Variants in SENP1 observed in about 807,000 individuals in gnomAD.
SENP1 encodes the protein SUMO specific peptidase 1, also known as sentrin-specific protease 1.
SENP1 carries 21 observed loss-of-function variants against 93.0 expected under a neutral mutation model. That is an observed-to-expected ratio of 0.23 (90% confidence interval 0.16 to 0.33). The LOEUF is 0.33. SENP1 is among the 10% of genes least tolerant of loss of function. The pLI is 1.00. For missense variants in SENP1, 591 were observed against 758.7 expected (o/e 0.78, Z 2.60); for synonymous variants, 256 against 259.6 (o/e 0.99, Z 0.13).
chr12:48,059,965 G>A (rs1229321891), intron 13 of SENP1, among the ~76,000 whole-genome samples: 1 of 152,080 alleles, frequency 6.6e-6, no homozygotes, highest in Non-Finnish European at 1.5e-5. Flanking sequence ...TCTTTCTGGT[G>A]GTTCTTTCCC....
chr12:48,063,887 G>A (rs1445051036), intron 12 of SENP1, 46 bp from the exon 13 acceptor site: 3 of 1,560,294 alleles, frequency 1.9e-6, no homozygotes, highest in Admixed American at 1.8e-5. Flanking sequence ...CGTGGCTTCA[G>A]AAAAACCGTA....
chr12:48,093,997 G>T (rs1945391204), intron 4 of SENP1, among the ~76,000 whole-genome samples: 1 of 152,112 alleles, frequency 6.6e-6, no homozygotes, highest in South Asian at 2.1e-4. Context: ...AGTTAAAAAA[G>T]ATTACATGTG....
chr12:48,083,498 G>C, intron 6 of SENP1, 93 bp downstream of exon 6: 1 of 988,628 alleles, frequency 1.0e-6, no homozygotes, highest in Non-Finnish European at 1.5e-6. Flanking sequence ...AAATAGAATG[G>C]TTCTTAAACA....
intron 13 of SENP1, among the ~76,000 whole-genome samples, chr12:48,061,356 G>A (rs1381542474): frequency 6.6e-6 from 1 of 152,102 alleles, no homozygotes; most frequent in African/African-American, 2.4e-5. Flanking sequence ...ATTGAACAGA[G>A]GACAAATCAT....
intron 6 of SENP1, among the ~76,000 whole-genome samples, chr12:48,080,861 T>G (rs1384807651): frequency 6.6e-6 from 1 of 152,182 alleles, no homozygotes; most frequent in African/African-American, 2.4e-5. Context: ...ATCGCTCATT[T>G]CATAGAATAG....
intron 1 of SENP1, among the ~76,000 whole-genome samples, chr12:48,102,453 AAC>A (rs1555189119): frequency 3.9e-4 from 58 of 149,392 alleles, no homozygotes; most frequent in South Asian, 1.1e-3. Flanking sequence ...AAAAAAAAAA[AAC>A]CAAACACAAA....
chr12:48,105,410 G>C (rs1946443782), intron 1 of SENP1: 2 of 519,036 alleles, frequency 3.9e-6, no homozygotes, highest in Non-Finnish European at 7.7e-6. Context: ...ACCAGGAGGC[G>C]ATGAGCCAGG....
intron 1 of SENP1, 23 bp from the exon 2 acceptor site, chr12:48,101,539 G>C (rs1945933993): frequency 7.7e-7 from 1 of 1,303,788 alleles, no homozygotes. Context: ...ACACAAAACA[G>C]AAAAATTACA....
chr12:48,089,028 T>C, intron 4 of SENP1, 68 bp from the exon 5 acceptor site: 2 of 1,544,182 alleles, frequency 1.3e-6, no homozygotes, highest in Non-Finnish European at 1.8e-6. Context: ...ACTGCAACCA[T>C]GACCAACCAT....
chr12:48,045,407 T>C, intron 17 of SENP1, 23 bp from the exon 18 acceptor site: 2 of 1,609,724 alleles, frequency 1.2e-6, no homozygotes, highest in Non-Finnish European at 8.5e-7. Flanking sequence ...AGAGACACCC[T>C]TAATTTTCAA....
At chr12:48,085,940 C>G (rs768263246) in intron 5 of SENP1, among the ~76,000 whole-genome samples, 1 of 152,102 alleles carries the variant, frequency 6.6e-6, no homozygotes, top group African/African-American at 2.4e-5. Context: ...TAAAAGATTA[C>G]TCTTCTAAAG....
intron 9 of SENP1, among the ~76,000 whole-genome samples, chr12:48,068,707 A>G (rs1943459468): frequency 6.6e-6 from 1 of 152,212 alleles, no homozygotes; most frequent in Non-Finnish European, 1.5e-5. Flanking sequence ...AGCACCCATC[A>G]TATGCCAAGC....
At chr12:48,091,836 G>A (rs113316611) in intron 4 of SENP1, among the ~76,000 whole-genome samples, 2,946 of 151,930 alleles carry the variant, frequency 0.019, 75 homozygotes, top group African/African-American at 0.048. Context: ...ACGTTACCAT[G>A]TCCAGGTAAT....
intron 6 of SENP1, among the ~76,000 whole-genome samples, chr12:48,081,892 T>TTTG (rs1231882986): frequency 6.7e-6 from 1 of 150,112 alleles, no homozygotes; most frequent in Non-Finnish European, 1.5e-5. Flanking sequence ...ACAAACTTTT[T>TTTG]TTGTTGTTGT....
At position 48,044,290 on chromosome 12, in the gene SENP1, C is replaced by T. The variant is rs148377893; in HGVS notation, c.*1032G>A. The stretch of plus-strand genomic sequence containing the variant: ...AATTTGGAAAATGGAAATAAATCTA[C>T]AGGCTAAATGGTGAACACATTCAGT... On this transcript the variant is annotated 3_prime_UTR_variant, in exon 18 of 18. Coordinates refer to ENST00000549518, the MANE Select transcript of SENP1 (RefSeq NM_001267594.2). 3 of 150,408 alleles carry T rather than the reference C, an allele frequency of 2.0e-5. No homozygotes were observed. Among genetic ancestry groups the T allele is most frequent in the Admixed American group, 1.3e-4 (2 of 15,046 alleles). 9.3% of individuals were successfully genotyped at this position (150,408 alleles called of 1,614,324 possible).
intron 9 of SENP1, among the ~76,000 whole-genome samples, chr12:48,069,521 G>A (rs1939275103): frequency 6.6e-6 from 1 of 152,164 alleles, no homozygotes; most frequent in Non-Finnish European, 1.5e-5. Context: ...TCTTAGTAAA[G>A]AACCATTAAG....
intron 6 of SENP1, among the ~76,000 whole-genome samples, chr12:48,078,012 A>T (rs1944218778): frequency 1.3e-5 from 2 of 151,964 alleles, no homozygotes; most frequent in Non-Finnish European, 2.9e-5. Flanking sequence ...GATTGCTTTG[A>T]GTAGTATGGC....
At chr12:48,050,681 T>C (rs1032952109) in intron 13 of SENP1, among the ~76,000 whole-genome samples, 1 of 152,186 alleles carries the variant, frequency 6.6e-6, no homozygotes, top group African/African-American at 2.4e-5. Flanking sequence ...AGGATAATGG[T>C]GCTAAAGACT....
Position 48,049,061 on chromosome 12 carries a change from A to C in SENP1, c.1479T>G (p.Phe493Leu). The change falls in exon 14 of 18, where the codon TTT becomes TTG. Residue 493 changes from phenylalanine to leucine, a missense_variant. Phe to Leu is a conservative substitution (Grantham distance 22, BLOSUM62 0). Transcript: ENST00000549518. ...KEKGLPSVHAFNTFFFTKLKT... is the reference protein window; with the variant it reads ...KEKGLPSVHALNTFFFTKLKT... The stretch of plus-strand genomic sequence containing the variant: ...TTAATTTAGTGAAGAAAAAGGTATT[A>C]AATGCATGCACACTTGGCAAGCCCT... 6.2e-7 allele frequency: 1 copy of C among 1,613,572 alleles called. No individual in the cohort carries two copies. The highest frequency in any genetic ancestry group is 1.1e-5 in the South Asian group (1 of 91,072).
Sources: gnomAD v4.1 joint callset for allele counts (sites outside exome capture counted in the v4.1 genomes callset) on GRCh38, gnomAD v4.1.1 for gene constraint, MANE v1.5 for transcripts, NCBI Gene and HGNC (gene_info 2026-07-23, HGNC 2026-07-21) for gene names.